Variants in PIK3CB observed in about 807,000 individuals in gnomAD.
The protein encoded by PIK3CB is phosphatidylinositol 4,5-bisphosphate 3-kinase catalytic subunit beta isoform.
PIK3CB carries 39 observed loss-of-function variants against 136.8 expected under a neutral mutation model. The observed-to-expected ratio is 0.29, with a 90% CI of 0.22 to 0.37. The LOEUF (loss-of-function observed/expected upper bound fraction) is 0.37, where lower values mean the gene tolerates loss of function less well. Among genes scored for constraint, PIK3CB ranks in the 10% least tolerant of loss-of-function variants. PIK3CB has a pLI of 1.00. For synonymous variants in PIK3CB, 428 were observed against 436.6 expected (o/e 0.98, Z 0.25); for missense variants, 868 against 1,275.4 (o/e 0.68, Z 4.87).
chr3:138,832,027 C>T (rs1016041476), intron 1 of PIK3CB, among the ~76,000 whole-genome samples: 1 of 152,212 alleles, frequency 6.6e-6, no homozygotes, highest in Admixed American at 6.5e-5. Context: ...ACTTCTGACT[C>T]CCAGCCTTTT....
chr3:138,723,130 G>A (rs577043942), intron 8 of PIK3CB, among the ~76,000 whole-genome samples: 1 of 151,948 alleles, frequency 6.6e-6, no homozygotes, highest in Non-Finnish European at 1.5e-5. Context: ...AGAAAAAGCA[G>A]TAACAAAATC....
chr3:138,773,127 A>G (rs1576405201), intron 2 of PIK3CB, among the ~76,000 whole-genome samples: 1 of 151,352 alleles, frequency 6.6e-6, no homozygotes, highest in East Asian at 2.0e-4. Flanking sequence ...CAGCCCAGGC[A>G]CGGTGGCTCA....
intron 13 of PIK3CB, among the ~76,000 whole-genome samples, chr3:138,695,212 T>G (rs2044109714): frequency 1.3e-5 from 2 of 152,218 alleles, no homozygotes; most frequent in African/African-American, 4.8e-5. Flanking sequence ...AAAATCTTAT[T>G]CCTTAGTATT....
chr3:138,699,195 GT>G (rs2044197576), intron 12 of PIK3CB, 100 bp from the exon 13 acceptor site: 1 of 326,894 alleles, frequency 3.1e-6, no homozygotes, highest in Non-Finnish European at 5.3e-6. Flanking sequence ...ATGAACCTAA[GT>G]ATGTGAGATA....
intron 2 of PIK3CB, among the ~76,000 whole-genome samples, chr3:138,784,229 T>C (rs1358579329): frequency 6.6e-6 from 1 of 152,078 alleles, no homozygotes; most frequent in African/African-American, 2.4e-5. Context: ...CTACTAAAAC[T>C]GCAAAAATTA....
At chr3:138,678,738 C>T (rs936090973) in intron 19 of PIK3CB, among the ~76,000 whole-genome samples, 3 of 151,950 alleles carry the variant, frequency 2.0e-5, no homozygotes, top group Non-Finnish European at 4.4e-5. Context: ...ACAAAACAGA[C>T]TAAAACAAAA....
intron 4 of PIK3CB, among the ~76,000 whole-genome samples, chr3:138,744,357 T>C (rs2045304858): frequency 8.5e-6 from 1 of 117,864 alleles, no homozygotes; most frequent in Non-Finnish European, 1.6e-5. Context: ...ATTGTGTCAC[T>C]GCACTCCAGA....
At chr3:138,688,393 C>T (rs756101987) in intron 16 of PIK3CB, among the ~76,000 whole-genome samples, 2 of 147,356 alleles carry the variant, frequency 1.4e-5, no homozygotes, top group Non-Finnish European at 1.5e-5. Flanking sequence ...CCCAGCTACT[C>T]GGGAGGCTGA....
intron 1 of PIK3CB, among the ~76,000 whole-genome samples, chr3:138,806,643 A>G (rs551128694): frequency 2.0e-5 from 3 of 152,324 alleles, no homozygotes; most frequent in South Asian, 2.1e-4. Context: ...CTTATTCAGG[A>G]CTGCTCTAGA....
At chr3:138,662,097 T>C (rs1030288611) in intron 21 of PIK3CB, among the ~76,000 whole-genome samples, 1 of 151,924 alleles carries the variant, frequency 6.6e-6, no homozygotes, top group Admixed American at 6.6e-5. Context: ...AACTTTTTTT[T>C]TTTAGCATTG....
intron 2 of PIK3CB, among the ~76,000 whole-genome samples, chr3:138,779,249 C>T (rs2045895945): frequency 6.6e-6 from 1 of 151,920 alleles, no homozygotes; most frequent in African/African-American, 2.4e-5. Flanking sequence ...CCATGCCCGG[C>T]TAATTTTTTT....
intron 8 of PIK3CB, among the ~76,000 whole-genome samples, chr3:138,728,078 C>T (rs1197744898): frequency 1.3e-5 from 2 of 152,096 alleles, no homozygotes; most frequent in African/African-American, 4.8e-5. Context: ...TCCCAAAGTT[C>T]TGGGAATGTA....
At chr3:138,765,964 A>G (rs770670618) in intron 2 of PIK3CB, among the ~76,000 whole-genome samples, 17 of 151,582 alleles carry the variant, frequency 1.1e-4, no homozygotes, top group South Asian at 8.3e-4. Flanking sequence ...CAGGTAGCCC[A>G]TGTATCTTTC....
chr3:138,832,323 A>G (rs1210141389), intron 1 of PIK3CB, among the ~76,000 whole-genome samples: 1 of 152,180 alleles, frequency 6.6e-6, no homozygotes, highest in East Asian at 1.9e-4. Context: ...GGTGTGAATC[A>G]GGGGTGTAAA....
chr3:138,761,711 A>C (rs1355230157), intron 2 of PIK3CB, among the ~76,000 whole-genome samples: 1 of 152,166 alleles, frequency 6.6e-6, no homozygotes, highest in Non-Finnish European at 1.5e-5. Context: ...CAGAGGTTGC[A>C]GTGAGCCTAG....
chr3:138,680,964 AG>A (rs1169779878), intron 19 of PIK3CB, among the ~76,000 whole-genome samples: 1 of 151,886 alleles, frequency 6.6e-6, no homozygotes, highest in African/African-American at 2.4e-5. Flanking sequence ...CTAGGATTAC[AG>A]GAGTGAGCCA....
chr3:138,829,657 T>C (rs1275191938), intron 1 of PIK3CB, among the ~76,000 whole-genome samples: 2 of 151,892 alleles, frequency 1.3e-5, no homozygotes, highest in African/African-American at 2.4e-5. Context: ...CGTGGTGGCG[T>C]GCGCCTATAA....
rs184132056 is a variant in PIK3CB at position 138,810,841 on chromosome 3, A to G, written c.-121-14274T>C. On this transcript the variant is annotated intron_variant, in intron 1 of 23. Coordinates refer to ENST00000674063, the MANE Select transcript of PIK3CB (RefSeq NM_006219.3). ...AGGCTGAGGCAGGAGAATGGCATGA[A>G]CCCGGGAAGCGGAGCTTGCAGTGAG... Among the ~76,000 whole-genome samples the G allele has an allele frequency of 8.8e-3, 1,343 of 151,810 alleles. 19 individuals are homozygous for G. Among genetic ancestry groups the G allele is most frequent in the African/African-American group, 0.029 (1,217 of 41,344 alleles).
chr3:138,697,289 G>A (rs2044158031), intron 13 of PIK3CB, among the ~76,000 whole-genome samples: 1 of 152,132 alleles, frequency 6.6e-6, no homozygotes, highest in Non-Finnish European at 1.5e-5. Flanking sequence ...TAATACATCA[G>A]TGGCTAGAAG....
Sources: allele counts gnomAD v4.1 joint callset (sites outside exome capture counted in the v4.1 genomes callset), GRCh38; gene constraint gnomAD v4.1.1; transcripts MANE v1.5; gene names NCBI Gene and HGNC (gene_info 2026-07-23, HGNC 2026-07-21).